Variants in RIMBP2 observed in about 807,000 individuals in gnomAD.
The protein encoded by RIMBP2 is RIMS binding protein 2, also known as RIMS-binding protein 2.
RIMBP2 carries 48 observed loss-of-function variants against 118.6 expected under a neutral mutation model. The observed-to-expected ratio is 0.40, with a 90% CI of 0.32 to 0.51. The LOEUF (loss-of-function observed/expected upper bound fraction) is 0.51. Ranked by LOEUF, RIMBP2 falls within the 20% of genes least tolerant of loss-of-function variation. RIMBP2 has a pLI of 0.41. For missense variants in RIMBP2, 1,551 were observed against 1,768.3 expected, an observed-to-expected ratio of 0.88 and a Z score of 2.20; for synonymous variants, 762 against 742.9, an observed-to-expected ratio of 1.03 and a Z score of -0.42.
chr12:130,634,248 G>A (rs1248493285), intron 1 of RIMBP2, among the ~76,000 whole-genome samples: 1 of 152,284 alleles, frequency 6.6e-6, no homozygotes, highest in Admixed American at 6.5e-5. Flanking sequence ...ACGGGGAGGC[G>A]GGTAATGCCA....
chr12:130,450,377 G>A lies in RIMBP2; in HGVS notation c.505-101C>T. ...GCCCCTCGCAGCTTCCTGGGCCCCA[G>A]GAGGGACGGCCTGAGACTGTGGCAC... is the stretch of plus-strand genomic sequence containing the variant. On this transcript the variant is annotated intron_variant, in intron 8 of 22. Coordinates refer to ENST00000690449, the MANE Select transcript of RIMBP2 (RefSeq NM_001393629.1). This position sits in a 1 kb window ranked among gnomAD's most constrained non-coding sequence, Gnocchi z 4.8. 2 of 849,418 alleles carry A rather than the reference G, an allele frequency of 2.4e-6. No individual in the cohort carries two copies. Among genetic ancestry groups the A allele is most frequent in the Non-Finnish European group, 3.9e-6 (2 of 511,214 alleles). The allele number at this position is 849,418 out of a possible 1,614,324, so 52.6% of individuals were successfully genotyped here.
At chr12:130,681,270 C>T (rs954973067) in intron 1 of RIMBP2, among the ~76,000 whole-genome samples, 1 of 149,306 alleles carries the variant, frequency 6.7e-6, no homozygotes, top group African/African-American at 2.5e-5. Flanking sequence ...ACAGTGAGAC[C>T]CTATCTCTAA....
In RIMBP2 at chr12:130,469,818, C is replaced by A. The variant is rs2080843416; in HGVS notation, c.153+875G>T. Among the ~76,000 whole-genome samples, 1 of 152,198 alleles carries A rather than the reference C, an allele frequency of 6.6e-6. No homozygotes were observed. Among genetic ancestry groups the A allele is most frequent in the Non-Finnish European group, 1.5e-5 (1 of 68,034 alleles). ...TTAAGGGAACATTACCGGGAGGACG[C>A]CACCCCAGGGCAGATCCCCTCCGAG... On this transcript the variant is annotated intron_variant, in intron 6 of 22. Coordinates refer to ENST00000690449, the MANE Select transcript of RIMBP2 (RefSeq NM_001393629.1). This position sits in a 1 kb window ranked among gnomAD's most constrained non-coding sequence, Gnocchi z 4.8.
intron 21 of RIMBP2, among the ~76,000 whole-genome samples, chr12:130,402,913 T>C (rs958400297): frequency 6.6e-6 from 1 of 152,194 alleles, no homozygotes; most frequent in Non-Finnish European, 1.5e-5. Context: ...GCACACGCTT[T>C]AAAACACGAT....
chr12:130,408,820 C>T lies in RIMBP2; in HGVS notation c.3590-991G>A, dbSNP rs114934490. On this transcript the variant is annotated intron_variant, in intron 19 of 22. Transcript: ENST00000690449. ...GATGAAAACTATCAAAGGCAAATATCTCAACGGCAACTAAAGTCAGCGATG... is the reference window on the plus strand; with the variant it reads ...GATGAAAACTATCAAAGGCAAATATTTCAACGGCAACTAAAGTCAGCGATG... Among the ~76,000 whole-genome samples the T allele has an allele frequency of 3.8e-3, 575 of 152,340 alleles. 3 individuals are homozygous for T. The highest frequency in any genetic ancestry group is 0.013 in the African/African-American group (540 of 41,576).
chr12:130,545,230 C>T (rs371350798), intron 2 of RIMBP2, among the ~76,000 whole-genome samples: 55 of 152,246 alleles, frequency 3.6e-4, no homozygotes, highest in East Asian at 2.7e-3. Flanking sequence ...TGGTACATCT[C>T]GAGCACAGGA....
At chr12:130,441,646 A>G (rs2078149583) in intron 11 of RIMBP2, among the ~76,000 whole-genome samples, 1 of 152,110 alleles carries the variant, frequency 6.6e-6, no homozygotes, top group Non-Finnish European at 1.5e-5. Flanking sequence ...AAAATTGCCA[A>G]CATGGTCCCT....
intron 1 of RIMBP2, among the ~76,000 whole-genome samples, chr12:130,674,450 T>A (rs1456520663): frequency 6.6e-6 from 1 of 152,120 alleles, no homozygotes; most frequent in East Asian, 1.9e-4. Flanking sequence ...GGCTGCTTCC[T>A]GGGGGACAGA....
chr12:130,519,747 G>A (rs188676564), intron 2 of RIMBP2, among the ~76,000 whole-genome samples: 11 of 152,196 alleles, frequency 7.2e-5, no homozygotes, highest in Non-Finnish European at 1.0e-4. Context: ...TGAAATAGGG[G>A]TTAGATTATG....
intron 2 of RIMBP2, among the ~76,000 whole-genome samples, chr12:130,619,622 G>A (rs777912756): frequency 2.6e-5 from 4 of 152,172 alleles, no homozygotes; most frequent in Non-Finnish European, 4.4e-5. Flanking sequence ...TTTCCATGGC[G>A]ACTGATCAGT....
intron 2 of RIMBP2, among the ~76,000 whole-genome samples, chr12:130,562,833 G>A (rs1308648428): frequency 6.6e-6 from 1 of 152,230 alleles, no homozygotes; most frequent in African/African-American, 2.4e-5. Context: ...AGAGTGGTCT[G>A]TATCTGACAG....
At chr12:130,580,321 G>T (rs1181126975) in intron 2 of RIMBP2, among the ~76,000 whole-genome samples, 2 of 152,156 alleles carry the variant, frequency 1.3e-5, no homozygotes, top group African/African-American at 4.8e-5. Context: ...ATTGAATCAT[G>T]GGGGTGGTTT....
chr12:130,456,514 C>T lies in RIMBP2; in HGVS notation c.340G>A (p.Ala114Thr). Residue 114 changes from alanine to threonine, a missense_variant, in exon 7 of 23, where the codon GCC becomes ACC. Around this residue, in one of 5 missense-constraint regions of RIMBP2, gnomAD observed 239 missense variants for 256.8 expected, o/e 0.93. Coordinates refer to ENST00000690449, the MANE Select transcript of RIMBP2 (RefSeq NM_001393629.1). Reference sequence around the variant, plus strand: ...CGCTTACCTTTGCCGAGGGAGGTGGCTAGGCCATTCATGAACTGTGGGAAA... The same window carrying T: ...CGCTTACCTTTGCCGAGGGAGGTGGTTAGGCCATTCATGAACTGTGGGAAA... ...KPFPQFMNGL[A>T]TSLGKGQESA... The T allele has an allele frequency of 1.3e-6, 2 of 1,597,222 alleles. No homozygotes were observed. Among genetic ancestry groups the T allele is most frequent in the Non-Finnish European group, 8.6e-7 (1 of 1,167,598 alleles).
intron 1 of RIMBP2, among the ~76,000 whole-genome samples, chr12:130,645,227 G>T (rs1009439710): frequency 1.3e-5 from 2 of 152,062 alleles, no homozygotes; most frequent in African/African-American, 4.8e-5. Flanking sequence ...CCGAGTAGCT[G>T]GGACTACGGT....
chr12:130,545,640 C>A (rs895204028), intron 2 of RIMBP2, among the ~76,000 whole-genome samples: 1 of 152,132 alleles, frequency 6.6e-6, no homozygotes, highest in Non-Finnish European at 1.5e-5. Flanking sequence ...AGACCCCAGC[C>A]GGGGTAACAT....
chr12:130,408,356 T>C lies in RIMBP2; in HGVS notation c.3590-527A>G, dbSNP rs139885271. Among the ~76,000 whole-genome samples, 649 of 152,298 alleles carry C rather than the reference T, an allele frequency of 4.3e-3. 4 individuals carry two copies. The highest frequency in any genetic ancestry group is 0.015 in the African/African-American group (609 of 41,550). On this transcript the variant is annotated intron_variant, in intron 19 of 22. Transcript: ENST00000690449. Reference sequence around the variant, plus strand: ...AGCACGAACATAAACAGGGATGCCTTCTCCACCCAGCCCAGTGGCTTCCCT... The same window carrying C: ...AGCACGAACATAAACAGGGATGCCTCCTCCACCCAGCCCAGTGGCTTCCCT...
At chr12:130,701,889 C>T (rs150592714) in intron 1 of RIMBP2, among the ~76,000 whole-genome samples, 14 of 152,212 alleles carry the variant, frequency 9.2e-5, no homozygotes, top group African/African-American at 3.1e-4. Context: ...TCCTTCACCC[C>T]GCTGGAGGTA....
chr12:130,618,660 G>A (rs538666620), intron 2 of RIMBP2, among the ~76,000 whole-genome samples: 3 of 152,294 alleles, frequency 2.0e-5, no homozygotes, highest in East Asian at 3.9e-4. Flanking sequence ...CAGGTGGGAG[G>A]CTCCTCAGGA....
intron 1 of RIMBP2, among the ~76,000 whole-genome samples, chr12:130,713,153 C>A (rs114301951): frequency 8.8e-6 from 1 of 114,022 alleles, no homozygotes; most frequent in Non-Finnish European, 1.7e-5. Flanking sequence ...CTGAAAGAAA[C>A]GGAATAAAAG....
Sources: allele counts gnomAD v4.1 joint callset (sites outside exome capture counted in the v4.1 genomes callset), GRCh38; gene constraint gnomAD v4.1.1; regional missense constraint gnomAD v4.1.1; non-coding constraint Gnocchi (gnomAD v3.1); transcripts MANE v1.5; gene names NCBI Gene and HGNC (gene_info 2026-07-23, HGNC 2026-07-21).